ARHGEF26: variants seen among roughly 807,000 people sequenced by gnomAD.
The protein encoded by ARHGEF26 is Rho guanine nucleotide exchange factor (GEF) 26.
Under a neutral mutation model 89.4 loss-of-function variants are expected in ARHGEF26, and 59 were observed. The ratio of observed to expected loss-of-function variants is 0.66; its 90% CI spans 0.54 to 0.82. The LOEUF (loss-of-function observed/expected upper bound fraction) is 0.82, where lower values mean the gene tolerates loss of function less well. Among genes scored for constraint, ARHGEF26 ranks in the 40% least tolerant of loss-of-function variants. The pLI is 0.00. For missense variants in ARHGEF26, 1,234 were observed against 1,085.6 expected (o/e 1.14, Z -1.92); for synonymous variants, 500 against 428.4 (o/e 1.17, Z -2.06).
rs770493001 is a variant in ARHGEF26 at position 154,187,711 on chromosome 3, A to C, written c.1514A>C (p.His505Pro). 1.2e-6 allele frequency: 2 copies of C among 1,609,536 alleles called. No individual in the cohort carries two copies. The highest frequency in any genetic ancestry group is 1.7e-5 in the Admixed American group (1 of 59,368). ...KKFFIELEARHQNNIFIDDIS... is the reference protein window; with the variant it reads ...KKFFIELEARPQNNIFIDDIS... ...TTCTTTATAGAGTTGGAAGCAAGAC[A>C]TCAGAATAATATCTTCATAGATGAC... Residue 505 changes from histidine to proline, a missense_variant, in exon 7 of 15, where the codon CAT (histidine) becomes CCT (proline). Physicochemically the swap from His to Pro is moderately conservative, Grantham distance 77. Coordinates refer to ENST00000465093, the MANE Select transcript of ARHGEF26 (RefSeq NM_015595.4).
intron 11 of ARHGEF26, 63 bp downstream of exon 11, chr3:154,226,073 C>G: frequency 7.3e-7 from 1 of 1,371,422 alleles, no homozygotes; most frequent in East Asian, 2.5e-5. Flanking sequence ...AATTCAGATG[C>G]CTGTTAGGGT....
intron 7 of ARHGEF26, 83 bp from the exon 8 acceptor site, chr3:154,191,206 A>G (rs966686487): frequency 2.1e-6 from 3 of 1,401,620 alleles, no homozygotes; most frequent in African/African-American, 2.9e-5. Flanking sequence ...GATTTATCAC[A>G]GTATTTTGTA....
intron 3 of ARHGEF26, 117 bp downstream of exon 3, chr3:154,124,566 C>T: frequency 2.1e-6 from 2 of 933,618 alleles, no homozygotes; most frequent in East Asian, 5.6e-5. Context: ...CCAACTTCTT[C>T]TCAAATTATA....
At chr3:154,247,192 T>C (rs1312116070) in intron 12 of ARHGEF26, among the ~76,000 whole-genome samples, 1 of 152,192 alleles carries the variant, frequency 6.6e-6, no homozygotes, top group Non-Finnish European at 1.5e-5. Flanking sequence ...TGACCATTCC[T>C]CTTCTCTGTC....
At chr3:154,167,410 G>C (rs357487) in intron 6 of ARHGEF26, among the ~76,000 whole-genome samples, 138,516 of 152,248 alleles carry the variant, frequency 0.91, 63,228 homozygotes, top group East Asian at 1. Flanking sequence ...TTTCCTTACC[G>C]CTCAATCTTC....
intron 9 of ARHGEF26, among the ~76,000 whole-genome samples, chr3:154,197,262 C>G (rs371160330): frequency 6.6e-6 from 1 of 152,048 alleles, no homozygotes; most frequent in African/African-American, 2.4e-5. Context: ...AAACTGAAAT[C>G]GTTGATATAG....
intron 4 of ARHGEF26, among the ~76,000 whole-genome samples, chr3:154,137,852 G>A (rs1576690468): frequency 6.6e-6 from 1 of 151,514 alleles, no homozygotes; most frequent in African/African-American, 2.4e-5. Flanking sequence ...AGAAGAATTG[G>A]GACATTTCAG....
rs1248689797 is a variant in ARHGEF26 at position 154,194,644 on chromosome 3, A to T, written c.1771A>T (p.Thr591Ser). Residue 591 changes from threonine (T) to serine (S), a missense_variant and splice_region_variant, in exon 9 of 15, where the codon ACT becomes TCT. Thr to Ser is a moderately conservative substitution (Grantham distance 58). Transcript: ENST00000465093. ...RVTRLPLLMD[T>S]ICQKTPKDSP... ...TTTGTTCACTTTTATTTCATTACAG[A>T]CTATCTGTCAAAAAACACCTAAGGA... is the stretch of plus-strand genomic sequence containing the variant. 3 of 1,608,508 alleles carry T rather than the reference A, an allele frequency of 1.9e-6. No individual in the cohort carries two copies. Among genetic ancestry groups the T allele is most frequent in the Non-Finnish European group, 2.5e-6 (3 of 1,176,900 alleles).
At chr3:154,153,403 A>G (rs975136290) in intron 6 of ARHGEF26, among the ~76,000 whole-genome samples, 1 of 152,092 alleles carries the variant, frequency 6.6e-6, no homozygotes, top group Non-Finnish European at 1.5e-5. Context: ...TACATTCAAA[A>G]CTTATATTTA....
At chr3:154,209,488 C>T (rs1415746777) in intron 9 of ARHGEF26, among the ~76,000 whole-genome samples, 1 of 152,170 alleles carries the variant, frequency 6.6e-6, no homozygotes, top group Admixed American at 6.5e-5. Context: ...AGCCCAGTAA[C>T]GCTGTGGTTC....
intron 11 of ARHGEF26, among the ~76,000 whole-genome samples, chr3:154,232,327 G>A (rs1053926303): frequency 6.6e-6 from 1 of 152,116 alleles, no homozygotes; most frequent in East Asian, 1.9e-4. Flanking sequence ...TGATGAATGG[G>A]GATCCTCATC....
At position 154,203,623 on chromosome 3, in the gene ARHGEF26, A is replaced by G. The variant is rs976106814; in HGVS notation, c.1845+8905A>G. Among the ~76,000 whole-genome samples the G allele has an allele frequency of 4.6e-5, 7 of 152,244 alleles. No homozygotes were observed. The East Asian group carries it at 1.2e-3, about 25-fold the overall frequency. On this transcript the variant is annotated intron_variant, in intron 9 of 14. Transcript: ENST00000465093. Reference sequence around the variant, plus strand: ...AGTTGATACTAGCTATGGGTCTGTCATATGATTTTTTATCATGTTGGGGTA... The same window carrying G: ...AGTTGATACTAGCTATGGGTCTGTCGTATGATTTTTTATCATGTTGGGGTA...
Position 154,121,999 on chromosome 3 carries a change from G to A in ARHGEF26, c.7G>A (p.Gly3Ser). ...CTGACTTCGAGGCCCGGCTATGGAC[G>A]GCGAGAGCGAGGTGGATTTTTCTAG... The part of the protein sequence containing the change: MD[G>S]ESEVDFSSNS... Residue 3 changes from glycine to serine, a missense_variant, in exon 2 of 15, where the codon GGC becomes AGC. By Grantham distance (56) the Gly-to-Ser change is moderately conservative (BLOSUM62 0). Transcript: ENST00000465093. 6.3e-7 allele frequency: 1 copy of A among 1,590,326 alleles called. No individual in the cohort carries two copies. Among genetic ancestry groups the A allele is most frequent in the Non-Finnish European group, 8.6e-7 (1 of 1,162,068 alleles).
At chr3:154,167,543 T>A (rs897590763) in intron 6 of ARHGEF26, among the ~76,000 whole-genome samples, 2 of 152,196 alleles carry the variant, frequency 1.3e-5, no homozygotes, top group African/African-American at 4.8e-5. Context: ...ACATGTTAAT[T>A]GTTTTATATT....
intron 9 of ARHGEF26, among the ~76,000 whole-genome samples, chr3:154,200,572 G>T (rs1345150454): frequency 2.0e-5 from 3 of 151,774 alleles, no homozygotes; most frequent in Non-Finnish European, 4.4e-5. Flanking sequence ...TACATTTTAG[G>T]ATTTTTTATA....
chr3:154,133,492 G>T (rs954732256), intron 4 of ARHGEF26, among the ~76,000 whole-genome samples: 5 of 151,208 alleles, frequency 3.3e-5, no homozygotes, highest in Non-Finnish European at 1.5e-5. Context: ...ATCTGATCTG[G>T]CAGGTTTGTA....
chr3:154,182,518 T>C (rs1713251962), intron 6 of ARHGEF26, among the ~76,000 whole-genome samples: 1 of 152,238 alleles, frequency 6.6e-6, no homozygotes, highest in Non-Finnish European at 1.5e-5. Flanking sequence ...CTGACCCTTC[T>C]GTTGTCTGCA....
chr3:154,247,081 TTA>T (rs1277814978), intron 12 of ARHGEF26, among the ~76,000 whole-genome samples: 1 of 152,144 alleles, frequency 6.6e-6, no homozygotes, highest in East Asian at 1.9e-4. Context: ...CTAGTATCAT[TTA>T]GTTTTATTGA....
At chr3:154,156,311 T>G (rs1007750462) in intron 6 of ARHGEF26, among the ~76,000 whole-genome samples, 5 of 152,148 alleles carry the variant, frequency 3.3e-5, no homozygotes, top group Non-Finnish European at 5.9e-5. Context: ...AAAATTCATT[T>G]AAGGTTTTAT....
Sources: gnomAD v4.1 joint callset for allele counts (sites outside exome capture counted in the v4.1 genomes callset) on GRCh38, gnomAD v4.1.1 for gene constraint, MANE v1.5 for transcripts, NCBI Gene and HGNC (gene_info 2026-07-23, HGNC 2026-07-21) for gene names.